The following TMX3 variants were observed in gnomAD, a reference collection of about 807,000 sequenced individuals.
The protein encoded by TMX3 is protein disulfide-isomerase TMX3.
A neutral mutation model predicts 64.4 loss-of-function variants in TMX3; 40 were observed. The ratio of observed to expected loss-of-function variants is 0.62; its 90% CI spans 0.48 to 0.81. The LOEUF (loss-of-function observed/expected upper bound fraction) is 0.81. Ranked by LOEUF, TMX3 falls within the 30% of genes least tolerant of loss-of-function variation. The pLI is 0.00. For missense variants in TMX3, 497 were observed against 534.5 expected (o/e 0.93, Z 0.69); for synonymous variants, 189 against 175.7 (o/e 1.08, Z -0.60).
chr18:68,706,989 T>A (rs1176877957), intron 4 of TMX3, among the ~76,000 whole-genome samples: 1 of 152,190 alleles, frequency 6.6e-6, no homozygotes, highest in East Asian at 1.9e-4. Flanking sequence ...GAAAATAACA[T>A]TAGACAATTG....
chr18:68,686,539 T>G (rs1332572351), intron 10 of TMX3, among the ~76,000 whole-genome samples: 1 of 152,012 alleles, frequency 6.6e-6, no homozygotes, highest in Non-Finnish European at 1.5e-5. Flanking sequence ...TGAAACCCCG[T>G]CTCTGCTAAG....
chr18:68,700,486 C>CA lies in TMX3; in HGVS notation c.312-2_312-1insT. Reference sequence around the variant, plus strand: ...ATTATATGCCAAGTCCCCTTTTAATCTTTAAAAAAAAAAAAAAATTAAAAC... The same window carrying CA: ...ATTATATGCCAAGTCCCCTTTTAATCATTTAAAAAAAAAAAAAAATTAAAAC... On this transcript the variant is annotated splice_acceptor_variant, in intron 5 of 15. Coordinates refer to ENST00000299608, the MANE Select transcript of TMX3 (RefSeq NM_019022.5). LOFTEE classifies it high-confidence loss of function. 6.7e-7 allele frequency: 1 copy of CA among 1,483,172 alleles called. No homozygotes were observed. Among genetic ancestry groups the CA allele is most frequent in the Non-Finnish European group, 9.0e-7 (1 of 1,105,260 alleles). 91.9% of individuals were successfully genotyped at this position (1,483,172 alleles called of 1,614,324 possible).
rs1914922304 is a variant in TMX3, at chr18:68,695,042, C to T, written c.570+2184G>A. On this transcript the variant is annotated intron_variant, in intron 8 of 15. Coordinates refer to ENST00000299608, the MANE Select transcript of TMX3 (RefSeq NM_019022.5). ...GAATTACTGCCAAATTCCTAAGGTCCCCTACTCATTCAAAGTTTCCTAAAG... is the reference window on the plus strand; with the variant it reads ...GAATTACTGCCAAATTCCTAAGGTCTCCTACTCATTCAAAGTTTCCTAAAG... Among the ~76,000 whole-genome samples the T allele has an allele frequency of 2.0e-5, 3 of 151,960 alleles. No homozygotes were observed. In the South Asian group the frequency reaches 6.2e-4, roughly 31 times the overall value.
At chr18:68,680,833 T>C (rs1041009000) in intron 14 of TMX3, 148 bp downstream of exon 14, 2 of 620,322 alleles carry the variant, frequency 3.2e-6, no homozygotes, top group East Asian at 3.2e-5. Flanking sequence ...ACTCTGCCTA[T>C]AATTGGACAG....
chr18:68,701,872 AATAGAG>A, intron 4 of TMX3, 82 bp from the exon 5 acceptor site: 1 of 1,145,660 alleles, frequency 8.7e-7, no homozygotes. Context: ...TTACTTTAAA[AATAGAG>A]ATATTTATAC....
chr18:68,687,482 C>T (rs1192290772), intron 10 of TMX3, 185 bp downstream of exon 10: 1 of 985,158 alleles, frequency 1.0e-6, no homozygotes, highest in Non-Finnish European at 1.2e-6. Flanking sequence ...AATCACTGAC[C>T]CACATGCAAA....
At position 68,686,526 on chromosome 18, in the gene TMX3, T is replaced by C. The variant is rs980327191; in HGVS notation, c.736+1141A>G. On this transcript the variant is annotated intron_variant, in intron 10 of 15. Transcript: ENST00000299608. ...GAGATCGAGCCCATCCTGGCCAACATGGTGAAACCCCGTCTCTGCTAAGAA... is the reference window on the plus strand; with the variant it reads ...GAGATCGAGCCCATCCTGGCCAACACGGTGAAACCCCGTCTCTGCTAAGAA... 2.6e-5 allele frequency among the ~76,000 whole-genome samples: 4 copies of C among 152,036 alleles called. No individual in the cohort carries two copies. In the East Asian group the frequency reaches 5.8e-4, roughly 22 times the overall value.
intron 4 of TMX3, chr18:68,706,550 C>T (rs904725550): frequency 6.6e-6 from 1 of 152,148 alleles, no homozygotes; most frequent in Non-Finnish European, 1.5e-5. Context: ...TCTGAACTGA[C>T]AATAAGTACC....
In TMX3 at chr18:68,708,154, T is replaced by C. The variant is rs76588889; in HGVS notation, c.265+1867A>G. On this transcript the variant is annotated intron_variant, in intron 4 of 15. Transcript: ENST00000299608. Reference sequence around the variant, plus strand: ...GCAACAGTGGAAAACGATAACTTCTTAGACATTGTTAAAAGCTTATTTCAA... The same window carrying C: ...GCAACAGTGGAAAACGATAACTTCTCAGACATTGTTAAAAGCTTATTTCAA... Among the ~76,000 whole-genome samples, 851 of 152,126 alleles carry C rather than the reference T, an allele frequency of 5.6e-3. 11 individuals are homozygous for C. Among genetic ancestry groups the C allele is most frequent in the African/African-American group, 0.019 (807 of 41,532 alleles).
Position 68,701,276 on chromosome 18 carries a change from A to C in TMX3, c.311+469T>G, listed in dbSNP as rs1418691146. ...TCCGAACAATTCCACAGCTCCCCAC[A>C]TTACCAAAATAAGATTAATGAAAAT... On this transcript the variant is annotated intron_variant, in intron 5 of 15. Coordinates refer to ENST00000299608, the MANE Select transcript of TMX3 (RefSeq NM_019022.5). 2.0e-5 allele frequency among the ~76,000 whole-genome samples: 3 copies of C among 152,238 alleles called. No homozygotes were observed. In the East Asian group the frequency reaches 5.8e-4, roughly 29 times the overall value.
intron 12 of TMX3, 142 bp from the exon 13 acceptor site, chr18:68,683,123 A>T: frequency 1.5e-6 from 1 of 659,126 alleles, no homozygotes; most frequent in South Asian, 2.1e-5. Flanking sequence ...AACTGTAAAC[A>T]TTTCACATGT....
At chr18:68,678,738 G>A (rs2145003877) in intron 15 of TMX3, among the ~76,000 whole-genome samples, 1 of 152,214 alleles carries the variant, frequency 6.6e-6, no homozygotes, top group South Asian at 2.1e-4. Flanking sequence ...AAAAACAAGA[G>A]AGACGGGTAA....
At position 68,711,289 on chromosome 18, in the gene TMX3, TG is replaced by T. The variant is rs531865594; in HGVS notation, c.141+74del. ...AGCACTAGCTGTTTACTGCCATTTT[TG>T]GGTAGAGTAGAATAGAAAATAATAC... On this transcript the variant is annotated intron_variant, in intron 3 of 15. Transcript: ENST00000299608. The T allele has an allele frequency of 4.4e-5, 49 of 1,115,640 alleles. 1 individual carries two copies. In the South Asian group the frequency reaches 8.6e-4, roughly 20 times the overall value. The allele number at this position is 1,115,640 out of a possible 1,614,324, so 69.1% of individuals were successfully genotyped here.
intron 4 of TMX3, chr18:68,706,450 AAAAT>A (rs1254199204): frequency 6.6e-6 from 1 of 152,040 alleles, no homozygotes; most frequent in Non-Finnish European, 1.5e-5. Flanking sequence ...TAAAAGAAAT[AAAAT>A]AAATAAAATA....
intron 13 of TMX3, chr18:68,681,344 T>G: frequency 1.5e-6 from 1 of 659,386 alleles, no homozygotes; most frequent in Non-Finnish European, 2.0e-6. Flanking sequence ...TTTAAGTCTT[T>G]TCAAATTATC....
In TMX3 at chr18:68,681,091, C is replaced by T. The variant is rs117449369; in HGVS notation, c.925G>A (p.Val309Ile). The T allele has an allele frequency of 3.1e-3, 4,922 of 1,574,074 alleles. 15 individuals are homozygous for T. The highest frequency in any genetic ancestry group is 3.8e-3 in the Non-Finnish European group (4,420 of 1,162,648). The change falls in exon 14 of 16, where the codon GTA becomes ATA. Residue 309 changes from valine (V) to isoleucine (I), a missense_variant. This residue lies in a region of TMX3 where 360 missense variants were observed against 383.5 expected (regional missense o/e 0.94). Coordinates refer to ENST00000299608, the MANE Select transcript of TMX3 (RefSeq NM_019022.5). Reference protein sequence around the residue: ...LLMDELTVPTVVVLNTSNQQY... With the variant: ...LLMDELTVPTIVVLNTSNQQY... ...TGGTTTGAAGTATTCAGTACAACTACAGTTGGGACTGTCAATTCACTGAAA... is the reference window on the plus strand; with the variant it reads ...TGGTTTGAAGTATTCAGTACAACTATAGTTGGGACTGTCAATTCACTGAAA...
At chr18:68,704,840 T>C (rs541876130) in intron 4 of TMX3, among the ~76,000 whole-genome samples, 1 of 152,332 alleles carries the variant, frequency 6.6e-6, no homozygotes, top group South Asian at 2.1e-4. Context: ...ATGTGAATCA[T>C]GGTGATCTTG....
chr18:68,701,063 A>G, intron 5 of TMX3: 1 of 961,122 alleles, frequency 1.0e-6, no homozygotes, highest in Non-Finnish European at 1.2e-6. Context: ...AATACCTACA[A>G]TTAAACAGAA....
intron 13 of TMX3, 106 bp downstream of exon 13, chr18:68,682,819 T>G: frequency 3.4e-6 from 3 of 884,348 alleles, no homozygotes; most frequent in Non-Finnish European, 3.4e-6. Context: ...TCTGAATATG[T>G]CAACTGTTTG....
Sources: gnomAD v4.1 joint callset for allele counts (sites outside exome capture counted in the v4.1 genomes callset) on GRCh38, gnomAD v4.1.1 for gene constraint, gnomAD v4.1.1 regional missense constraint, MANE v1.5 for transcripts, NCBI Gene and HGNC (gene_info 2026-07-23, HGNC 2026-07-21) for gene names.